POU2F2: variants seen among roughly 807,000 people sequenced by gnomAD.
The protein encoded by POU2F2 is POU domain, class 2, transcription factor 2.
POU2F2 carries 14 observed loss-of-function variants against 63.5 expected under a neutral mutation model. That is an observed-to-expected ratio of 0.22 (90% CI 0.15 to 0.34). POU2F2 has a LOEUF of 0.34. POU2F2 is among the 10% of genes least tolerant of loss of function. The pLI is 1.00. For synonymous variants in POU2F2, 306 were observed against 348.6 expected (o/e 0.88, Z 1.36); for missense variants, 607 against 815.2 (o/e 0.74, Z 3.11).
intron 5 of POU2F2, among the ~76,000 whole-genome samples, chr19:42,111,594 T>C (rs994971382): frequency 6.6e-6 from 1 of 152,022 alleles, no homozygotes; most frequent in Non-Finnish European, 1.5e-5. Flanking sequence ...TTCCAAAACA[T>C]CCCATTCCTC....
chr19:42,147,170 C>T (rs1217029037), intron 2 of POU2F2, among the ~76,000 whole-genome samples: 2 of 152,182 alleles, frequency 1.3e-5, no homozygotes, highest in South Asian at 2.1e-4. Context: ...CTATAAAGTC[C>T]TATGTCATCT....
chr19:42,100,030 G>A (rs954002752), intron 5 of POU2F2, among the ~76,000 whole-genome samples: 1 of 149,006 alleles, frequency 6.7e-6, no homozygotes, highest in Non-Finnish European at 1.5e-5. Context: ...TGGGGTACCA[G>A]AGAGTCCCAA....
chr19:42,110,263 G>A (rs1221597115), intron 5 of POU2F2, among the ~76,000 whole-genome samples: 1 of 152,070 alleles, frequency 6.6e-6, no homozygotes, highest in Non-Finnish European at 1.5e-5. Context: ...GATAGAGCAA[G>A]ACCTCGTCTC....
At position 42,089,112 on chromosome 19, in the gene POU2F2, G is replaced by A. The variant is rs934118644; in HGVS notation, c.*2145C>T. ...CAACAAGGGGCAGGGGCCACACTACGGCTGTCAGGCCCCACCCTGATTTCA... is the reference window on the plus strand; with the variant it reads ...CAACAAGGGGCAGGGGCCACACTACAGCTGTCAGGCCCCACCCTGATTTCA... On this transcript the variant is annotated 3_prime_UTR_variant, in exon 15 of 15. Transcript: ENST00000692977. 3 of 152,658 alleles carry A rather than the reference G, an allele frequency of 2.0e-5. No individual in the cohort carries two copies. Among genetic ancestry groups the A allele is most frequent in the Admixed American group, 6.5e-5 (1 of 15,276 alleles). 9.5% of individuals were successfully genotyped at this position (152,658 alleles called of 1,614,324 possible).
chr19:42,105,889 G>A (rs2077316046), intron 5 of POU2F2, among the ~76,000 whole-genome samples: 1 of 150,818 alleles, frequency 6.6e-6, no homozygotes, highest in Non-Finnish European at 1.5e-5. Flanking sequence ...AACAATAGAG[G>A]TCTAAATGTT....
At chr19:42,184,475 T>G (rs1198900103) in intron 1 of POU2F2, among the ~76,000 whole-genome samples, 1 of 152,138 alleles carries the variant, frequency 6.6e-6, no homozygotes, top group Non-Finnish European at 1.5e-5. Context: ...TGGGCCCCAG[T>G]GAATCCCTCC....
At chr19:42,097,871 G>A (rs930996692) in intron 7 of POU2F2, among the ~76,000 whole-genome samples, 4 of 152,220 alleles carry the variant, frequency 2.6e-5, no homozygotes, top group Admixed American at 2.6e-4. Context: ...ATTGTGTAGT[G>A]ATGAAGCGTA....
intron 7 of POU2F2, chr19:42,099,247 A>C: frequency 4.5e-5 from 16 of 358,332 alleles, no homozygotes; most frequent in East Asian, 5.3e-5. Context: ...TTTTGGGGGA[A>C]TGGGGATCAG....
upstream of POU2F2, among the ~76,000 whole-genome samples, chr19:42,176,878 C>G (rs1169537929): frequency 6.6e-6 from 1 of 151,538 alleles, no homozygotes; most frequent in African/African-American, 2.4e-5. Flanking sequence ...GGCTCCCGCC[C>G]GGAGAGCTCT....
At chr19:42,103,854 C>T (rs999887830) in intron 5 of POU2F2, among the ~76,000 whole-genome samples, 1 of 151,826 alleles carries the variant, frequency 6.6e-6, no homozygotes, top group East Asian at 1.9e-4. Context: ...AGGATGGTCT[C>T]GATCTCCTGA....
At chr19:42,103,627 C>CTTTTTTTTTTTTTTTTTT (rs1001669920) in intron 5 of POU2F2, among the ~76,000 whole-genome samples, 3 of 100,556 alleles carry the variant, frequency 3.0e-5, no homozygotes, top group Admixed American at 1.1e-4. Flanking sequence ...GGGCTCGTTT[C>CTTTTTTTTTTTTTTTTTT]TTTTTTTTTT....
chr19:42,094,533 T>C (rs1296220906), intron 11 of POU2F2, among the ~76,000 whole-genome samples: 2 of 152,176 alleles, frequency 1.3e-5, no homozygotes, highest in African/African-American at 4.8e-5. Flanking sequence ...TCACTGCCCA[T>C]GGTTCAAGTT....
chr19:42,115,648 G>T (rs561942225), intron 5 of POU2F2, among the ~76,000 whole-genome samples: 1 of 152,206 alleles, frequency 6.6e-6, no homozygotes, highest in Admixed American at 6.5e-5. Context: ...GCTGGAGACA[G>T]CTGCCCTTCG....
At chr19:42,197,807 A>G (rs1026800713), upstream of POU2F2, among the ~76,000 whole-genome samples, 4 of 152,146 alleles carry the variant, frequency 2.6e-5, no homozygotes, top group Admixed American at 2.6e-4. Context: ...CTGGCTGCCT[A>G]TCTTTTCATT....
At chr19:42,099,503 G>A (rs762248454) in intron 7 of POU2F2, 24 bp downstream of exon 7, 19 of 1,575,768 alleles carry the variant, frequency 1.2e-5, no homozygotes, top group Non-Finnish European at 1.7e-5. Context: ...GGCCTGGCCT[G>A]GTGCACTCAA....
upstream of POU2F2, among the ~76,000 whole-genome samples, chr19:42,197,511 C>CA (rs1195168047): frequency 1.3e-5 from 2 of 152,164 alleles, no homozygotes; most frequent in African/African-American, 4.8e-5. Flanking sequence ...TGGGCAGGGG[C>CA]ACCCATCCCT....
intron 1 of POU2F2, among the ~76,000 whole-genome samples, chr19:42,187,456 CAA>C (rs35993667): frequency 6.1e-5 from 3 of 48,930 alleles, no homozygotes; most frequent in Non-Finnish European, 8.0e-5. Flanking sequence ...GACTCTGTCT[CAA>C]AAAAAAAAAA....
At chr19:42,103,627 CT>C (rs1001669920) in intron 5 of POU2F2, among the ~76,000 whole-genome samples, 3,186 of 100,608 alleles carry the variant, frequency 0.032, 40 homozygotes, top group African/African-American at 0.12. Context: ...GGGCTCGTTT[CT>C]TTTTTTTTTT....
At chr19:42,143,353 A>G (rs2034166955) in intron 2 of POU2F2, among the ~76,000 whole-genome samples, 1 of 152,058 alleles carries the variant, frequency 6.6e-6, no homozygotes, top group Non-Finnish European at 1.5e-5. Flanking sequence ...CTCTGCCTCA[A>G]AAAAAAAGAA....
Sources: allele counts gnomAD v4.1 joint callset (sites outside exome capture counted in the v4.1 genomes callset), GRCh38; gene constraint gnomAD v4.1.1; transcripts MANE v1.5; gene names NCBI Gene and HGNC (gene_info 2026-07-23, HGNC 2026-07-21).